PHACTR4: variants seen among roughly 807,000 people sequenced by gnomAD.
PHACTR4 encodes the protein protein phosphatase 1, regulatory subunit 124.
A neutral mutation model predicts 72.7 loss-of-function variants in PHACTR4; 51 were observed. The observed-to-expected ratio is 0.70, with a 90% confidence interval of 0.56 to 0.89. The LOEUF (loss-of-function observed/expected upper bound fraction) is 0.89. Ranked by LOEUF, PHACTR4 falls within the 40% of genes least tolerant of loss-of-function variation. PHACTR4 has a pLI of 0.00. For missense variants in PHACTR4, 731 were observed against 861.8 expected, an observed-to-expected ratio of 0.85 and a Z score of 1.90; for synonymous variants, 255 against 302.5, an observed-to-expected ratio of 0.84 and a Z score of 1.63.
intron 2 of PHACTR4, chr1:28,422,684 T>G (rs1655581621): frequency 6.6e-6 from 1 of 152,254 alleles, no homozygotes; most frequent in South Asian, 2.1e-4. Context: ...TCTGTGTTCT[T>G]TGAACAGTTT....
chr1:28,423,166 A>G (rs1013156486), intron 2 of PHACTR4, among the ~76,000 whole-genome samples: 3 of 152,126 alleles, frequency 2.0e-5, no homozygotes, highest in Non-Finnish European at 4.4e-5. Context: ...TAATCCCAGC[A>G]CTCTGGGAGG....
At chr1:28,404,257 A>G (rs1238214990) in intron 1 of PHACTR4, among the ~76,000 whole-genome samples, 1 of 148,210 alleles carries the variant, frequency 6.7e-6, no homozygotes, top group Non-Finnish European at 1.5e-5. Context: ...GCCTGTGTAC[A>G]AGATTTTGTA....
At chr1:28,405,201 T>A (rs752722582) in intron 1 of PHACTR4, among the ~76,000 whole-genome samples, 2 of 152,182 alleles carry the variant, frequency 1.3e-5, no homozygotes, top group African/African-American at 4.8e-5. Context: ...TATTGAGTTA[T>A]TGTTCTTTAT....
intron 11 of PHACTR4, among the ~76,000 whole-genome samples, chr1:28,491,347 A>C (rs1661024587): frequency 6.6e-6 from 1 of 151,974 alleles, no homozygotes; most frequent in African/African-American, 2.4e-5. Context: ...AATATCAGCT[A>C]CTTGGGAGGC....
At chr1:28,402,721 G>T (rs957586311) in intron 1 of PHACTR4, among the ~76,000 whole-genome samples, 4 of 152,150 alleles carry the variant, frequency 2.6e-5, no homozygotes, top group Non-Finnish European at 5.9e-5. Flanking sequence ...TCTTGCACAG[G>T]TGTCCAGTTA....
intron 1 of PHACTR4, among the ~76,000 whole-genome samples, chr1:28,376,109 G>A (rs1053954056): frequency 6.6e-6 from 1 of 151,940 alleles, no homozygotes; most frequent in Middle Eastern, 3.4e-3. Flanking sequence ...TTTCACAGCC[G>A]TGTCTTCACA....
At chr1:28,419,432 A>G (rs1187267285) in intron 2 of PHACTR4, among the ~76,000 whole-genome samples, 14 of 152,070 alleles carry the variant, frequency 9.2e-5, no homozygotes, top group Admixed American at 9.2e-4. Flanking sequence ...GTAAATATAT[A>G]TGTGTATATA....
chr1:28,402,863 C>T (rs1654041572), intron 1 of PHACTR4, among the ~76,000 whole-genome samples: 1 of 152,168 alleles, frequency 6.6e-6, no homozygotes, highest in Admixed American at 6.6e-5. Flanking sequence ...AAACCAGGAT[C>T]ATCCCCTAGG....
rs201982408 is a variant in PHACTR4, at chr1:28,473,600, G to A, written c.870G>A (p.Pro290=). Residue 290 remains proline, a synonymous_variant, in exon 7 of 14, where the codon CCG becomes CCA. Transcript: ENST00000373839. The stretch of plus-strand genomic sequence containing the variant: ...ACAGTGGTACATTGTTATCAAAACC[G>A]TCCCCACCCTTACCACCTAAGAGAG... ...AINSGTLLSK[P]SPPLPPKRGI... is the part of the protein sequence containing the mutation. The A allele has an allele frequency of 5.1e-4, 815 of 1,613,534 alleles. 1 individual carries two copies. Among genetic ancestry groups the A allele is most frequent in the Non-Finnish European group, 6.4e-4 (755 of 1,179,820 alleles).
rs896053779 is a variant in PHACTR4 at position 28,491,783 on chromosome 1, A to T, written c.2012A>T (p.Asp671Val). 1 of 1,613,014 alleles carries T rather than the reference A, an allele frequency of 6.2e-7. No individual in the cohort carries two copies. Among genetic ancestry groups the T allele is most frequent in the African/African-American group, 1.3e-5 (1 of 74,866 alleles). Residue 671 changes from aspartate (D) to valine (V), a missense_variant, in exon 12 of 14, where the codon GAC (aspartate) becomes GTC (valine). Physicochemically the swap from Asp to Val is radical, Grantham distance 152. Coordinates refer to ENST00000373839, the MANE Select transcript of PHACTR4 (RefSeq NM_001048183.3). ...CCTTGGACCAAACTGACCCCTGCTG[A>T]CAAGGTACCTGGAAAGCACTCTCTT... ...DKPWTKLTPADKAAIRKELNE... is the reference protein window; with the variant it reads ...DKPWTKLTPAVKAAIRKELNE...
At chr1:28,398,785 C>G (rs1431677033) in intron 1 of PHACTR4, among the ~76,000 whole-genome samples, 1 of 152,034 alleles carries the variant, frequency 6.6e-6, no homozygotes, top group African/African-American at 2.4e-5. Context: ...CGCTACTGCA[C>G]TCCAGCCTGG....
chr1:28,474,173 C>T, intron 7 of PHACTR4, 22 bp downstream of exon 7: 1 of 1,568,884 alleles, frequency 6.4e-7, no homozygotes, highest in Non-Finnish European at 8.7e-7. Flanking sequence ...TAAAGCTTGC[C>T]TCTTATTTCT....
intron 9 of PHACTR4, among the ~76,000 whole-genome samples, chr1:28,487,626 G>T (rs962081082): frequency 1.9e-4 from 28 of 148,850 alleles, no homozygotes; most frequent in Non-Finnish European, 4.0e-4. Context: ...AATTTTGCAA[G>T]TACTAGCTAA....
intron 2 of PHACTR4, 121 bp from the exon 3 acceptor site, chr1:28,458,964 G>T (rs1205240268): frequency 1.2e-6 from 1 of 824,196 alleles, no homozygotes; most frequent in East Asian, 2.7e-5. Context: ...CTGTCTGCAT[G>T]ATTGTTTATC....
chr1:28,466,705 C>G lies in PHACTR4; in HGVS notation c.760C>G (p.Pro254Ala), dbSNP rs762266252. 11 of 1,613,906 alleles carry G rather than the reference C, an allele frequency of 6.8e-6. No individual in the cohort carries two copies. In the African/African-American group the frequency reaches 1.3e-4, roughly 20 times the overall value. The change falls in exon 6 of 14, where the codon CCT (proline) becomes GCT (alanine). Residue 254 changes from proline to alanine, a missense_variant. Pro to Ala is a conservative substitution (Grantham distance 27). Coordinates refer to ENST00000373839, the MANE Select transcript of PHACTR4 (RefSeq NM_001048183.3). ...TACCCCAAGCCTCACTCATATGGTCCCTGCCAAGCAGCCCCCTATCCCTCC... is the reference window on the plus strand; with the variant it reads ...TACCCCAAGCCTCACTCATATGGTCGCTGCCAAGCAGCCCCCTATCCCTCC... ...TATPSLTHMV[P>A]AKQPPIPPPK...
At chr1:28,433,705 G>A (rs1027745781) in intron 2 of PHACTR4, among the ~76,000 whole-genome samples, 4 of 151,606 alleles carry the variant, frequency 2.6e-5, no homozygotes, top group South Asian at 2.1e-4. Context: ...TGATCCGCCC[G>A]CCTCGGTTTC....
intron 9 of PHACTR4, among the ~76,000 whole-genome samples, chr1:28,487,717 G>GTTTTTTTTTTTTTTT (rs1320016675): frequency 9.8e-6 from 1 of 102,416 alleles, no homozygotes; most frequent in African/African-American, 4.1e-5. Flanking sequence ...ACAAATTGTA[G>GTTTTTTTTTTTTTTT]TTTTTTGTTG....
intron 2 of PHACTR4, among the ~76,000 whole-genome samples, chr1:28,433,704 C>T (rs1462949342): frequency 6.6e-6 from 1 of 151,804 alleles, no homozygotes; most frequent in Admixed American, 6.6e-5. Flanking sequence ...GTGATCCGCC[C>T]GCCTCGGTTT....
intron 2 of PHACTR4, among the ~76,000 whole-genome samples, chr1:28,458,718 T>C (rs1658585904): frequency 6.6e-6 from 1 of 152,184 alleles, no homozygotes; most frequent in Non-Finnish European, 1.5e-5. Flanking sequence ...GAGAAAATGA[T>C]TCACTCACTA....
Sources: allele counts gnomAD v4.1 joint callset (sites outside exome capture counted in the v4.1 genomes callset), GRCh38; gene constraint gnomAD v4.1.1; transcripts MANE v1.5; gene names NCBI Gene and HGNC (gene_info 2026-07-23, HGNC 2026-07-21).